Variants in LRSAM1 observed in about 807,000 individuals in gnomAD.
The protein encoded by LRSAM1 is E3 ubiquitin-protein ligase LRSAM1.
LRSAM1 carries 96 observed loss-of-function variants against 118.1 expected under a neutral mutation model. The observed-to-expected ratio is 0.81, with a 90% CI of 0.69 to 0.96. The LOEUF (loss-of-function observed/expected upper bound fraction) is 0.96. Ranked by LOEUF, LRSAM1 falls within the 40% of genes least tolerant of loss-of-function variation. The pLI, the probability that LRSAM1 is intolerant of heterozygous loss-of-function variation, is 0.00. For synonymous variants in LRSAM1, 322 were observed against 364.2 expected (o/e 0.88, Z 1.32); for missense variants, 804 against 915.5 (o/e 0.88, Z 1.57).
chr9:127,481,349 T>A (rs1835531900), intron 15 of LRSAM1, 122 bp downstream of exon 15: 2 of 956,124 alleles, frequency 2.1e-6, no homozygotes, highest in Admixed American at 4.3e-5. Context: ...GCCGCCCAGG[T>A]CCAAGCAATT....
At chr9:127,481,355 C>T in intron 15 of LRSAM1, 128 bp downstream of exon 15, 3 of 920,190 alleles carry the variant, frequency 3.3e-6, no homozygotes, top group Non-Finnish European at 5.1e-6. Context: ...CAGGTCCAAG[C>T]AATTCCCCTG....
At chr9:127,483,375 A>T (rs1033831053) in intron 16 of LRSAM1, among the ~76,000 whole-genome samples, 1 of 152,008 alleles carries the variant, frequency 6.6e-6, no homozygotes, top group Non-Finnish European at 1.5e-5. Context: ...TGAGCCCAGG[A>T]GTTCAAGGCT....
At position 127,479,890 on chromosome 9, in the gene LRSAM1, G is replaced by A. The variant is rs756492485; in HGVS notation, c.955G>A (p.Ala319Thr). The A allele has an allele frequency of 1.1e-5, 18 of 1,612,506 alleles. No homozygotes were observed. Among genetic ancestry groups the A allele is most frequent in the South Asian group, 3.3e-5 (3 of 90,976 alleles). ...GLSEHQRHLN[A>T]ERQRLQEQLK... ...GAGTGAGCACCAGCGCCACCTCAAC[G>A]CAGAGCGGCAGCGGCTGCAGGAGCA... Residue 319 changes from alanine (A) to threonine (T), a missense_variant, in exon 14 of 26, where the codon GCA becomes ACA. Transcript: ENST00000300417.
intron 19 of LRSAM1, among the ~76,000 whole-genome samples, chr9:127,490,314 A>G (rs1835889406): frequency 1.4e-5 from 2 of 148,028 alleles, no homozygotes; most frequent in Admixed American, 6.7e-5. Flanking sequence ...TCCCTCTTTA[A>G]TTTCAATTCC....
rs943384563 is a variant in LRSAM1, at chr9:127,501,437, A to G, written c.2046+294A>G. On this transcript the variant is annotated intron_variant, in intron 25 of 25. Coordinates refer to ENST00000300417, the MANE Select transcript of LRSAM1 (RefSeq NM_001005373.4). Reference sequence around the variant, plus strand: ...ATGATTTACCCTGCAGAGGCTTTAGAAAATCATCTTTTGGCCAGGCATGGT... The same window carrying G: ...ATGATTTACCCTGCAGAGGCTTTAGGAAATCATCTTTTGGCCAGGCATGGT... Among the ~76,000 whole-genome samples, 42 of 152,176 alleles carry G rather than the reference A, an allele frequency of 2.8e-4. 1 individual carries two copies. The highest frequency in any genetic ancestry group is 1.9e-4 in the East Asian group (1 of 5,196).
At chr9:127,500,312 G>A (rs1423682676) in intron 24 of LRSAM1, among the ~76,000 whole-genome samples, 3 of 129,934 alleles carry the variant, frequency 2.3e-5, no homozygotes. Flanking sequence ...AGTGAGCCGA[G>A]ATCGCGCCAC....
At position 127,454,522 on chromosome 9, in the gene LRSAM1, G is replaced by A; in HGVS notation, c.-6G>A. 6.2e-7 allele frequency: 1 copy of A among 1,614,144 alleles called. No individual in the cohort carries two copies. Among genetic ancestry groups the A allele is most frequent in the Non-Finnish European group, 8.5e-7 (1 of 1,180,038 alleles). ...GTCCTAAAGATCGCTCTGGGAAAAG[G>A]GAAGGATGCCGCTCTTCTTCCGGAA... On this transcript the variant is annotated 5_prime_UTR_variant, in exon 3 of 26. Transcript: ENST00000300417.
chr9:127,462,701 T>C (rs1170996431), intron 9 of LRSAM1, among the ~76,000 whole-genome samples: 1 of 151,650 alleles, frequency 6.6e-6, no homozygotes, highest in Non-Finnish European at 1.5e-5. Flanking sequence ...AGGGAGAGCA[T>C]CAGGAAGAAA....
chr9:127,453,719 C>T (rs1834407137), intron 2 of LRSAM1: 1 of 152,632 alleles, frequency 6.6e-6, no homozygotes, highest in African/African-American at 2.4e-5. Flanking sequence ...TGGGCCCCAA[C>T]CCAGGTCATC....
intron 18 of LRSAM1, among the ~76,000 whole-genome samples, chr9:127,488,655 G>T: frequency 6.7e-6 from 1 of 148,890 alleles, no homozygotes; most frequent in African/African-American, 2.5e-5. Flanking sequence ...GTGAAGTGAT[G>T]TGATCACAGT....
intron 18 of LRSAM1, among the ~76,000 whole-genome samples, chr9:127,489,185 G>A (rs541992899): frequency 6.6e-6 from 1 of 152,092 alleles, no homozygotes; most frequent in African/African-American, 2.4e-5. Context: ...TGTGAAGTGG[G>A]GCAGTAAAAG....
chr9:127,455,758 G>A, intron 5 of LRSAM1, 138 bp downstream of exon 5: 1 of 829,066 alleles, frequency 1.2e-6, no homozygotes. Flanking sequence ...CCTGCAGCAG[G>A]TGTTTTCACA....
At chr9:127,454,127 G>C in intron 2 of LRSAM1, 1 of 336,046 alleles carries the variant, frequency 3.0e-6, no homozygotes, top group South Asian at 2.4e-5. Flanking sequence ...CTAGAAAGAC[G>C]CAGCCCCTGC....
Position 127,455,016 on chromosome 9 carries a change from G to C in LRSAM1, c.91G>C (p.Asp31His). The change falls in exon 4 of 26, where the codon GAT becomes CAT. Residue 31 changes from aspartate (D) to histidine (H), a missense_variant. Asp to His is a moderately conservative substitution (Grantham distance 81, BLOSUM62 -1). Transcript: ENST00000300417. ...QMCLAKEAGA[D>H]DILDISKCEL... The stretch of plus-strand genomic sequence containing the variant: ...TCCTTAGGCAAAAGAAGCTGGGGCA[G>C]ATGACATTCTCGACATCTCTAAATG... 6.2e-7 allele frequency: 1 copy of C among 1,614,170 alleles called. No individual in the cohort carries two copies. The highest frequency in any genetic ancestry group is 8.5e-7 in the Non-Finnish European group (1 of 1,180,002).
intron 6 of LRSAM1, 160 bp downstream of exon 6, chr9:127,457,553 C>A: frequency 1.4e-6 from 1 of 730,740 alleles, no homozygotes; most frequent in Non-Finnish European, 2.4e-6. Context: ...CTTCTGTGGG[C>A]TGTGTGTGGG....
chr9:127,485,302 A>G (rs1835688175), intron 16 of LRSAM1, among the ~76,000 whole-genome samples: 1 of 152,124 alleles, frequency 6.6e-6, no homozygotes, highest in Non-Finnish European at 1.5e-5. Context: ...GCTCACCTGT[A>G]ATCCCAGCAC....
chr9:127,492,317 T>C (rs1835961726), intron 20 of LRSAM1, among the ~76,000 whole-genome samples: 1 of 152,238 alleles, frequency 6.6e-6, no homozygotes, highest in Non-Finnish European at 1.5e-5. Context: ...GCGGTCATCA[T>C]GCCTGGCGGG....
chr9:127,461,939 G>A (rs973647795), intron 8 of LRSAM1, among the ~76,000 whole-genome samples: 2 of 152,210 alleles, frequency 1.3e-5, no homozygotes, highest in Non-Finnish European at 2.9e-5. Context: ...GGCCCTGTGC[G>A]GAGGACCTCA....
chr9:127,470,718 G>C (rs1481448503), intron 10 of LRSAM1, among the ~76,000 whole-genome samples: 4 of 152,044 alleles, frequency 2.6e-5, no homozygotes, highest in Non-Finnish European at 5.9e-5. Context: ...CAACAACCTG[G>C]ATGAGTCTCA....
Sources: gnomAD v4.1 joint callset for allele counts (sites outside exome capture counted in the v4.1 genomes callset) on GRCh38, gnomAD v4.1.1 for gene constraint, MANE v1.5 for transcripts, NCBI Gene and HGNC (gene_info 2026-07-23, HGNC 2026-07-21) for gene names.